ATP8A2: variants seen among roughly 807,000 people sequenced by gnomAD.
ATP8A2 encodes ATPase phospholipid transporting 8A2, also known as phospholipid-transporting ATPase IB.
A neutral mutation model predicts 165.6 loss-of-function variants in ATP8A2; 100 were observed. The observed-to-expected ratio is 0.60, with a 90% CI of 0.51 to 0.71. The LOEUF is 0.71. ATP8A2 is among the 30% of genes least tolerant of loss of function. The pLI is 0.00. For missense variants in ATP8A2, 1,227 were observed against 1,479.5 expected (o/e 0.83, Z 2.80); for synonymous variants, 543 against 548.8 (o/e 0.99, Z 0.15).
chr13:25,428,692 A>G lies in ATP8A2; in HGVS notation c.77-40285A>G, dbSNP rs112124287. ...TGCTCGCAAGTATAACAGACCCCCA[A>G]ATATATAATGGCTCAAACACGTCAG... On this transcript the variant is annotated intron_variant, in intron 1 of 36. Coordinates refer to ENST00000381655, the MANE Select transcript of ATP8A2 (RefSeq NM_016529.6). 4.0e-3 allele frequency among the ~76,000 whole-genome samples: 610 copies of G among 152,274 alleles called. 7 individuals carry two copies. Among genetic ancestry groups the G allele is most frequent in the African/African-American group, 0.014 (562 of 41,558 alleles).
intron 25 of ATP8A2, among the ~76,000 whole-genome samples, chr13:25,738,523 C>T (rs567849065): frequency 2.0e-5 from 3 of 152,280 alleles, no homozygotes; most frequent in South Asian, 4.1e-4. Flanking sequence ...AGGTGGAGAG[C>T]GAGCAGGGAA....
intron 2 of ATP8A2, among the ~76,000 whole-genome samples, chr13:25,473,229 C>T (rs554605596): frequency 3.2e-4 from 49 of 152,260 alleles, no homozygotes; most frequent in South Asian, 1.5e-3. Context: ...TCATTCTTGA[C>T]GCTGAAAATA....
intron 1 of ATP8A2, among the ~76,000 whole-genome samples, chr13:25,404,664 G>T (rs1017506304): frequency 2.0e-5 from 3 of 152,132 alleles, no homozygotes; most frequent in Admixed American, 6.5e-5. Context: ...GCGCAACTGG[G>T]TGGGTGCAGA....
chr13:25,732,270 G>A (rs150504580), intron 25 of ATP8A2, among the ~76,000 whole-genome samples: 54 of 152,324 alleles, frequency 3.5e-4, no homozygotes, highest in Non-Finnish European at 6.5e-4. Context: ...AGCCTCGCAT[G>A]TTGGGAAAGA....
At chr13:25,480,255 G>A (rs1267568628) in intron 2 of ATP8A2, among the ~76,000 whole-genome samples, 6 of 149,832 alleles carry the variant, frequency 4.0e-5, no homozygotes, top group Non-Finnish European at 8.9e-5. Flanking sequence ...GGGCAGAGGC[G>A]CCCCTTACCT....
chr13:25,426,724 C>T (rs905897747), intron 1 of ATP8A2, among the ~76,000 whole-genome samples: 2 of 151,914 alleles, frequency 1.3e-5, no homozygotes, highest in African/African-American at 4.8e-5. Context: ...GGGTGGATCA[C>T]CTGAGGTCAG....
chr13:25,991,810 C>T (rs1956401963), intron 35 of ATP8A2, among the ~76,000 whole-genome samples: 1 of 151,984 alleles, frequency 6.6e-6, no homozygotes, highest in Non-Finnish European at 1.5e-5. Context: ...CATTTGTTTA[C>T]TGGCTTTTAT....
chr13:25,536,302 A>G (rs2038283040), intron 6 of ATP8A2, among the ~76,000 whole-genome samples: 1 of 146,822 alleles, frequency 6.8e-6, no homozygotes. Context: ...TTTTAGTGAG[A>G]TGGGGGTTTC....
At chr13:25,889,465 G>T (rs1243458529) in intron 33 of ATP8A2, among the ~76,000 whole-genome samples, 5 of 151,874 alleles carry the variant, frequency 3.3e-5, no homozygotes, top group African/African-American at 1.2e-4. Flanking sequence ...GATGTGGTTT[G>T]GTCATAACCC....
chr13:25,859,022 G>A (rs1432145881), intron 30 of ATP8A2, among the ~76,000 whole-genome samples: 1 of 151,972 alleles, frequency 6.6e-6, no homozygotes, highest in Non-Finnish European at 1.5e-5. Flanking sequence ...GGTTAAGATG[G>A]TAAAACCCTG....
At chr13:25,747,741 G>A (rs1045968436) in intron 25 of ATP8A2, among the ~76,000 whole-genome samples, 7 of 152,130 alleles carry the variant, frequency 4.6e-5, no homozygotes, top group African/African-American at 1.7e-4. Context: ...CCGAAGTATG[G>A]ATCAGCTCCA....
At chr13:25,815,681 C>G (rs1287411011) in intron 27 of ATP8A2, among the ~76,000 whole-genome samples, 3 of 152,188 alleles carry the variant, frequency 2.0e-5, no homozygotes, top group African/African-American at 7.2e-5. Context: ...AATTCTACTT[C>G]TGGGTATATA....
At position 25,534,109 on chromosome 13, in the gene ATP8A2, A is replaced by G. The variant is rs1217372113; in HGVS notation, c.507+796A>G. 1.4e-4 allele frequency: 73 copies of G among 504,760 alleles called. 1 individual carries two copies. The highest frequency in any genetic ancestry group is 2.4e-5 in the Non-Finnish European group (6 of 245,020). The allele number at this position is 504,760 out of a possible 1,614,324, so 31.3% of individuals were successfully genotyped here. ...TTAAATGCCTCTTACAGTCTTTTAT[A>G]TCTGAAAAATGCCCGTGATATGGTA... On this transcript the variant is annotated intron_variant, in intron 6 of 36. Transcript: ENST00000381655.
intron 27 of ATP8A2, among the ~76,000 whole-genome samples, chr13:25,797,722 G>C (rs1950525841): frequency 6.6e-6 from 1 of 152,276 alleles, no homozygotes; most frequent in African/African-American, 2.4e-5. Context: ...TGGGATGACT[G>C]TTAATGGGTG....
At chr13:25,892,478 G>GTCTCTCTCTCTCCCTCTCTCTCTC (rs1953397275) in intron 33 of ATP8A2, among the ~76,000 whole-genome samples, 1 of 136,178 alleles carries the variant, frequency 7.3e-6, no homozygotes, top group African/African-American at 3.0e-5. Flanking sequence ...CTGTCTCTCT[G>GTCTCTCTCTCTCCCTCTCTCTCTC]TCTCTCTCTC....
At chr13:25,460,407 A>G (rs1263198923) in intron 1 of ATP8A2, among the ~76,000 whole-genome samples, 1 of 152,162 alleles carries the variant, frequency 6.6e-6, no homozygotes, top group Non-Finnish European at 1.5e-5. Flanking sequence ...TATCCTAGCA[A>G]CAGAGGAAGT....
intron 33 of ATP8A2, among the ~76,000 whole-genome samples, chr13:25,875,667 G>A (rs1327239441): frequency 6.7e-6 from 1 of 149,508 alleles, no homozygotes; most frequent in Non-Finnish European, 1.5e-5. Context: ...TTCACCCAAA[G>A]AATGATAGAC....
chr13:25,509,346 AGATCAATTAAAAATAATT>A (rs2037146954), intron 2 of ATP8A2, among the ~76,000 whole-genome samples: 1 of 152,208 alleles, frequency 6.6e-6, no homozygotes, highest in Admixed American at 6.5e-5. Flanking sequence ...CTTTACCAAA[AGATCAATTAAAAATAATT>A]GATCAATTAT....
At chr13:25,411,850 T>C (rs531057193) in intron 1 of ATP8A2, among the ~76,000 whole-genome samples, 1 of 152,310 alleles carries the variant, frequency 6.6e-6, no homozygotes, top group South Asian at 2.1e-4. Context: ...AGTGGTAGGA[T>C]TCTGGGTGAC....
Sources: gnomAD v4.1 joint callset for allele counts (sites outside exome capture counted in the v4.1 genomes callset) on GRCh38, gnomAD v4.1.1 for gene constraint, MANE v1.5 for transcripts, NCBI Gene and HGNC (gene_info 2026-07-23, HGNC 2026-07-21) for gene names.